The following OPCML variants were observed in gnomAD, a reference collection of about 807,000 sequenced individuals.
OPCML encodes opioid-binding protein/cell adhesion molecule.
A neutral mutation model predicts 37.8 loss-of-function variants in OPCML; 13 were observed. That is an observed-to-expected ratio of 0.34 (90% CI 0.22 to 0.55). The LOEUF (loss-of-function observed/expected upper bound fraction) is 0.55. OPCML is among the 20% of genes least tolerant of loss of function. The pLI is 0.91. For missense variants in OPCML, 341 were observed against 435.6 expected (o/e 0.78, Z 1.93); for synonymous variants, 176 against 168.8 (o/e 1.04, Z -0.33).
rs540452971 is a variant in OPCML, at chr11:132,602,955, T to G, written c.379+54132A>C. Among the ~76,000 whole-genome samples, 15 of 152,310 alleles carry G rather than the reference T, an allele frequency of 9.8e-5. No homozygotes were observed. The South Asian group carries it at 1.5e-3, about 15-fold the overall frequency. On this transcript the variant is annotated intron_variant, in intron 3 of 7. Coordinates refer to ENST00000524381, the MANE Select transcript of OPCML (RefSeq NM_001012393.5). ...TCCACCTTGTGCTTTGACTGCTTAATCCAGTTCTCTTTTTAATGGACACCT... is the reference window on the plus strand; with the variant it reads ...TCCACCTTGTGCTTTGACTGCTTAAGCCAGTTCTCTTTTTAATGGACACCT...
At chr11:132,435,116 G>A (rs1472158621) in intron 7 of OPCML, 2 of 1,122,308 alleles carry the variant, frequency 1.8e-6, no homozygotes, top group African/African-American at 3.2e-5. Context: ...AAAGGCATAG[G>A]CATTCAGGCA....
intron 2 of OPCML, among the ~76,000 whole-genome samples, chr11:132,684,197 A>C (rs1316672139): frequency 6.6e-6 from 1 of 152,230 alleles, no homozygotes; most frequent in Non-Finnish European, 1.5e-5. Flanking sequence ...ACCAATAACA[A>C]TAATAAAGTT....
At chr11:133,084,318 GTTC>G (rs778386807) in intron 1 of OPCML, among the ~76,000 whole-genome samples, 3 of 152,116 alleles carry the variant, frequency 2.0e-5, no homozygotes, top group Non-Finnish European at 4.4e-5. Flanking sequence ...ACATCATTTG[GTTC>G]TTATCATTCT....
chr11:132,860,336 A>C (rs1350549667), intron 2 of OPCML: 1 of 152,232 alleles, frequency 6.6e-6, no homozygotes, highest in African/African-American at 2.4e-5. Flanking sequence ...AACTTGAGTT[A>C]TACTATGTGC....
At chr11:133,515,481 C>T (rs141475368) in intron 1 of OPCML, among the ~76,000 whole-genome samples, 75 of 152,228 alleles carry the variant, frequency 4.9e-4, no homozygotes, top group African/African-American at 1.7e-3. Context: ...GTGCCTAAAA[C>T]GTCAAGAGTG....
At chr11:132,612,692 A>G (rs1254134476) in intron 3 of OPCML, among the ~76,000 whole-genome samples, 2 of 152,196 alleles carry the variant, frequency 1.3e-5, no homozygotes, top group East Asian at 3.9e-4. Context: ...AACCAGAAAC[A>G]AATGATCCCC....
chr11:132,584,860 T>A (rs2096469202), intron 3 of OPCML, among the ~76,000 whole-genome samples: 1 of 152,210 alleles, frequency 6.6e-6, no homozygotes, highest in Non-Finnish European at 1.5e-5. Flanking sequence ...TTAGATAACA[T>A]TTATCGACAG....
intron 1 of OPCML, among the ~76,000 whole-genome samples, chr11:133,140,889 C>G (rs376884549): frequency 3.4e-4 from 3 of 8,784 alleles, no homozygotes; most frequent in African/African-American, 5.1e-4. Context: ...ACGACGACGA[C>G]GACGAAGACG....
chr11:132,748,548 G>A (rs1342168549), intron 2 of OPCML, among the ~76,000 whole-genome samples: 2 of 152,230 alleles, frequency 1.3e-5, no homozygotes, highest in Non-Finnish European at 2.9e-5. Flanking sequence ...AGGAGCCTGA[G>A]TGTGGCCTGT....
At chr11:132,702,813 T>G (rs1349380922) in intron 2 of OPCML, among the ~76,000 whole-genome samples, 1 of 152,084 alleles carries the variant, frequency 6.6e-6, no homozygotes, top group Non-Finnish European at 1.5e-5. Flanking sequence ...TTATTTCTTC[T>G]GCTTGATTGA....
At chr11:132,420,441 G>C (rs2095954314) in intron 7 of OPCML, 148 bp from the exon 8 acceptor site, 1 of 1,402,020 alleles carries the variant, frequency 7.1e-7, no homozygotes, top group African/African-American at 1.5e-5. Flanking sequence ...AGCCCATTGG[G>C]AGTATTTAGG....
intron 1 of OPCML, among the ~76,000 whole-genome samples, chr11:133,340,608 CTGTGTGTGTGTGTG>C (rs5795838): frequency 6.5e-4 from 91 of 139,514 alleles, no homozygotes; most frequent in Admixed American, 1.7e-3. Flanking sequence ...AAGACTCTCT[CTGTGTGTGTGTGTG>C]TGTGTGTGTG....
At chr11:132,682,217 A>G (rs891773838) in intron 2 of OPCML, among the ~76,000 whole-genome samples, 2 of 152,158 alleles carry the variant, frequency 1.3e-5, no homozygotes, top group Non-Finnish European at 2.9e-5. Flanking sequence ...GCTGGTAAGC[A>G]AGGCACCCTC....
At chr11:132,893,442 T>C (rs886767363) in intron 2 of OPCML, among the ~76,000 whole-genome samples, 3 of 152,204 alleles carry the variant, frequency 2.0e-5, no homozygotes, top group African/African-American at 7.2e-5. Flanking sequence ...CCTGTGCTTT[T>C]GTTTGGTTCC....
intron 3 of OPCML, among the ~76,000 whole-genome samples, chr11:132,561,159 G>A (rs150259303): frequency 4.4e-4 from 67 of 152,194 alleles, no homozygotes; most frequent in Non-Finnish European, 3.1e-4. Context: ...CTGAAATGAC[G>A]TGTATGTCCC....
intron 1 of OPCML, among the ~76,000 whole-genome samples, chr11:132,951,816 T>C (rs1238805884): frequency 2.0e-5 from 3 of 152,148 alleles, no homozygotes; most frequent in Non-Finnish European, 1.5e-5. Flanking sequence ...TTTCTCTGAG[T>C]TTGAAGAAGA....
At chr11:133,209,584 T>G (rs1939264050) in intron 1 of OPCML, among the ~76,000 whole-genome samples, 1 of 152,214 alleles carries the variant, frequency 6.6e-6, no homozygotes, top group Non-Finnish European at 1.5e-5. Flanking sequence ...TTTGGATATG[T>G]CTGCTTTCCC....
chr11:132,658,986 G>A lies in OPCML; in HGVS notation c.147-1667C>T, dbSNP rs376144969. Among the ~76,000 whole-genome samples the A allele has an allele frequency of 3.3e-5, 5 of 152,286 alleles. No homozygotes were observed. The East Asian group carries it at 7.7e-4, about 24-fold the overall frequency. On this transcript the variant is annotated intron_variant, in intron 2 of 7. Coordinates refer to ENST00000524381, the MANE Select transcript of OPCML (RefSeq NM_001012393.5). ...CACAGGCATCCCTTGCACACCAGCA[G>A]TTACAGACCTCAATCTGCATACTTT...
At chr11:133,175,690 A>C (rs1321411664) in intron 1 of OPCML, among the ~76,000 whole-genome samples, 3 of 149,744 alleles carry the variant, frequency 2.0e-5, no homozygotes, top group South Asian at 4.2e-4. Context: ...CTGGATTTAG[A>C]GTGTTTCTAG....
Sources: gnomAD v4.1 joint callset for allele counts (sites outside exome capture counted in the v4.1 genomes callset) on GRCh38, gnomAD v4.1.1 for gene constraint, MANE v1.5 for transcripts, NCBI Gene and HGNC (gene_info 2026-07-23, HGNC 2026-07-21) for gene names.